KIF6: variants seen among roughly 807,000 people sequenced by gnomAD.
KIF6 encodes kinesin-like protein KIF6.
KIF6 carries 106 observed loss-of-function variants against 112.7 expected under a neutral mutation model. The observed-to-expected ratio is 0.94, with a 90% confidence interval of 0.80 to 1.11. KIF6 has a LOEUF of 1.11. Among genes scored for constraint, KIF6 ranks in the 50% least tolerant of loss-of-function variants. KIF6 has a pLI of 0.00. For missense variants in KIF6, 929 were observed against 964.0 expected (o/e 0.96, Z 0.48); for synonymous variants, 339 against 339.9 (o/e 1.00, Z 0.03).
chr6:39,381,448 A>C (rs1388401117), intron 16 of KIF6, among the ~76,000 whole-genome samples: 1 of 152,140 alleles, frequency 6.6e-6, no homozygotes, highest in Non-Finnish European at 1.5e-5. Context: ...TCACTTCTTT[A>C]CTCTTAGATC....
chr6:39,357,448 CTTTTTTT>C (rs552350303), intron 18 of KIF6, 74 bp from the exon 19 acceptor site: 10 of 544,266 alleles, frequency 1.8e-5, no homozygotes, highest in South Asian at 4.4e-5. Context: ...TGATGTAATT[CTTTTTTT>C]TTTTTTTTTT....
intron 15 of KIF6, among the ~76,000 whole-genome samples, chr6:39,400,145 G>C (rs1768578623): frequency 6.6e-6 from 1 of 152,192 alleles, no homozygotes; most frequent in Non-Finnish European, 1.5e-5. Context: ...GGAATAAGAA[G>C]GAGACGCACC....
chr6:39,574,807 T>C (rs1209142847), intron 10 of KIF6, among the ~76,000 whole-genome samples: 2 of 152,214 alleles, frequency 1.3e-5, no homozygotes, highest in Non-Finnish European at 2.9e-5. Flanking sequence ...CTATTCTCTA[T>C]GACACTTTTC....
At chr6:39,537,635 T>C (rs1456181060) in intron 13 of KIF6, among the ~76,000 whole-genome samples, 2 of 152,058 alleles carry the variant, frequency 1.3e-5, no homozygotes, top group African/African-American at 4.8e-5. Flanking sequence ...AAAATGGCCA[T>C]ACTGCCCAAG....
intron 10 of KIF6, among the ~76,000 whole-genome samples, chr6:39,573,764 C>G (rs1188625092): frequency 6.6e-6 from 1 of 152,110 alleles, no homozygotes; most frequent in African/African-American, 2.4e-5. Flanking sequence ...TCTGCATTCT[C>G]GTTGTATTTT....
chr6:39,603,236 A>T (rs1782673316), intron 6 of KIF6, among the ~76,000 whole-genome samples: 1 of 152,108 alleles, frequency 6.6e-6, no homozygotes. Context: ...GTGGCTTCAA[A>T]ATGTTCATAT....
rs1315071143 is a variant in KIF6, at chr6:39,332,380, T to A, written c.*4152A>T. 1 of 152,224 alleles carries A rather than the reference T, an allele frequency of 6.6e-6. No individual in the cohort carries two copies. The highest frequency in any genetic ancestry group is 1.5e-5 in the Non-Finnish European group (1 of 68,034). The allele number at this position is 152,224 out of a possible 1,614,324, so 9.4% of individuals were successfully genotyped here. ...TGGATGCTGGTTTCTTTTTGGTTTG[T>A]TTTTCATATTCCTTTAGATATTTTG... On this transcript the variant is annotated 3_prime_UTR_variant, in exon 23 of 23. Transcript: ENST00000287152.
intron 13 of KIF6, among the ~76,000 whole-genome samples, chr6:39,449,261 C>A (rs1483107437): frequency 6.6e-6 from 1 of 152,216 alleles, no homozygotes; most frequent in Admixed American, 6.5e-5. Context: ...TTCCCATGGA[C>A]AAAGCCAAAC....
At chr6:39,529,117 C>G (rs1262941996) in intron 13 of KIF6, among the ~76,000 whole-genome samples, 1 of 152,138 alleles carries the variant, frequency 6.6e-6, no homozygotes, top group Non-Finnish European at 1.5e-5. Flanking sequence ...TGCAGAAGAA[C>G]AAAACCGGAT....
At chr6:39,618,500 C>T (rs997532057) in intron 5 of KIF6, among the ~76,000 whole-genome samples, 3 of 152,084 alleles carry the variant, frequency 2.0e-5, no homozygotes, top group African/African-American at 4.8e-5. Context: ...TTTGGAGTTT[C>T]GGCACAACTG....
intron 3 of KIF6, among the ~76,000 whole-genome samples, chr6:39,699,433 T>C (rs1427320369): frequency 6.6e-6 from 1 of 151,946 alleles, no homozygotes; most frequent in Non-Finnish European, 1.5e-5. Flanking sequence ...CCTTTAAGGC[T>C]AGAGGTTTCC....
chr6:39,698,222 T>C (rs1203533765), intron 3 of KIF6, among the ~76,000 whole-genome samples: 1 of 152,200 alleles, frequency 6.6e-6, no homozygotes, highest in Non-Finnish European at 1.5e-5. Flanking sequence ...CTGATAGAAA[T>C]ACTTCCTCTA....
In KIF6 at chr6:39,343,683, G is replaced by A. The variant is rs1763479132; in HGVS notation, c.2428+26C>T. On this transcript the variant is annotated intron_variant, in intron 22 of 22. Coordinates refer to ENST00000287152, the MANE Select transcript of KIF6 (RefSeq NM_145027.6). The surrounding 1 kb of genome is among the most constrained non-coding windows in gnomAD (Gnocchi z 4.1). ...AGTGTTGGTGACCTGCTGCCCAGGA[G>A]GAGCCACCGAGGGAGGTGCACTTAC... 1.9e-6 allele frequency: 3 copies of A among 1,544,356 alleles called. No individual in the cohort carries two copies. Among genetic ancestry groups the A allele is most frequent in the African/African-American group, 2.7e-5 (2 of 73,448 alleles).
intron 15 of KIF6, among the ~76,000 whole-genome samples, chr6:39,398,203 G>A (rs776198234): frequency 2.6e-5 from 4 of 152,198 alleles, no homozygotes; most frequent in Admixed American, 1.3e-4. Context: ...ACATAAAGGC[G>A]TAATCCTTAA....
At chr6:39,628,123 C>T (rs930127975) in intron 5 of KIF6, among the ~76,000 whole-genome samples, 2 of 152,014 alleles carry the variant, frequency 1.3e-5, no homozygotes, top group East Asian at 3.9e-4. Flanking sequence ...ATACCCATTG[C>T]CCAGTTTTTC....
chr6:39,336,618 G>A (rs1221243118), intron 22 of KIF6, 70 bp from the exon 23 acceptor site: 13 of 1,455,368 alleles, frequency 8.9e-6, no homozygotes, highest in African/African-American at 4.2e-5. Flanking sequence ...GGATTGAATC[G>A]GGGGGAGGGG....
intron 20 of KIF6, among the ~76,000 whole-genome samples, chr6:39,346,085 T>TCTCTCTCTCTC (rs1212794740): frequency 0.013 from 278 of 21,588 alleles, 62 homozygotes; most frequent in Non-Finnish European, 0.018. Context: ...TCTCTCTCTC[T>TCTCTCTCTCTC]CCCCCCCCTC....
rs1415656580 is a variant in KIF6 at position 39,357,361 on chromosome 6, G to A, written c.2096C>T (p.Ala699Val). 1 of 1,612,218 alleles carries A rather than the reference G, an allele frequency of 6.2e-7. No homozygotes were observed. Among genetic ancestry groups the A allele is most frequent in the South Asian group, 1.1e-5 (1 of 91,010 alleles). ...EATNLQVNSP[A>V]VNSLDHTKPF... is the part of the protein sequence containing the mutation. ...CTTCGTGTGATCGAGTGAATTCACTGCTGGAGAATTTACCTGTTGGCCCCA... is the reference window on the plus strand; with the variant it reads ...CTTCGTGTGATCGAGTGAATTCACTACTGGAGAATTTACCTGTTGGCCCCA... The change falls in exon 19 of 23, where the codon GCA becomes GTA. Residue 699 changes from alanine (A) to valine (V), a missense_variant. By Grantham distance (64) the Ala-to-Val change is moderately conservative. This residue lies in a region of KIF6 where 241 missense variants were observed against 301.4 expected (regional missense o/e 0.80). Transcript: ENST00000287152.
At chr6:39,423,598 C>T (rs1258499055) in intron 14 of KIF6, among the ~76,000 whole-genome samples, 1 of 149,076 alleles carries the variant, frequency 6.7e-6, no homozygotes, top group East Asian at 2.1e-4. Context: ...TGTTTGATAC[C>T]TTGAAGATAA....
Sources: gnomAD v4.1 joint callset for allele counts (sites outside exome capture counted in the v4.1 genomes callset) on GRCh38, gnomAD v4.1.1 for gene constraint, gnomAD v4.1.1 regional missense constraint, Gnocchi (gnomAD v3.1) non-coding constraint, MANE v1.5 for transcripts, NCBI Gene and HGNC (gene_info 2026-07-23, HGNC 2026-07-21) for gene names.